ACSL6: variants seen among roughly 807,000 people sequenced by gnomAD.
The protein encoded by ACSL6 is long-chain-fatty-acid--CoA ligase 6.
A neutral mutation model predicts 98.2 loss-of-function variants in ACSL6; 47 were observed. The observed-to-expected ratio is 0.48, with a 90% CI of 0.38 to 0.61. The LOEUF (loss-of-function observed/expected upper bound fraction) is 0.61. Among genes scored for constraint, ACSL6 ranks in the 20% least tolerant of loss-of-function variants. The pLI is 0.00. For synonymous variants in ACSL6, 362 were observed against 336.9 expected, an observed-to-expected ratio of 1.07 and a Z score of -0.82; for missense variants, 761 against 913.4, an observed-to-expected ratio of 0.83 and a Z score of 2.15.
chr5:132,002,160 G>T (rs1480007502), intron 1 of ACSL6, among the ~76,000 whole-genome samples: 1 of 152,152 alleles, frequency 6.6e-6, no homozygotes, highest in Non-Finnish European at 1.5e-5. Context: ...TACTGACCAG[G>T]GTCACCATCA....
intron 1 of ACSL6, among the ~76,000 whole-genome samples, chr5:131,998,888 G>A (rs563392447): frequency 6.6e-6 from 1 of 152,244 alleles, no homozygotes; most frequent in East Asian, 1.9e-4. Context: ...TCACACTGAG[G>A]CTCTCCATGA....
In ACSL6 at chr5:131,971,742, C is replaced by T. The variant is rs1753320971; in HGVS notation, c.1339-97G>A. The T allele has an allele frequency of 9.8e-6, 10 of 1,017,512 alleles. No individual in the cohort carries two copies. In the East Asian group the frequency reaches 2.4e-4, roughly 24 times the overall value. 63.0% of individuals were successfully genotyped at this position (1,017,512 alleles called of 1,614,324 possible). On this transcript the variant is annotated intron_variant, in intron 13 of 20. Transcript: ENST00000651883. The stretch of plus-strand genomic sequence containing the variant: ...CAAGGTCAACATCCAACAACTGGGT[C>T]CTACCTGGATGCTAGGGCTGGGATC...
At chr5:131,970,436 G>A (rs1344283601) in intron 14 of ACSL6, among the ~76,000 whole-genome samples, 2 of 149,990 alleles carry the variant, frequency 1.3e-5, no homozygotes, top group Non-Finnish European at 3.0e-5. Flanking sequence ...TTGAGACGGA[G>A]TCTCACTCTG....
intron 2 of ACSL6, among the ~76,000 whole-genome samples, chr5:131,991,811 G>C (rs1368895628): frequency 5.7e-5 from 5 of 87,258 alleles, no homozygotes; most frequent in African/African-American, 1.3e-4. Context: ...TGGAACAGCA[G>C]GTCTAAGGAA....
At chr5:131,960,829 A>G (rs1752666788) in intron 18 of ACSL6, 2 of 468,664 alleles carry the variant, frequency 4.3e-6, no homozygotes, top group East Asian at 7.2e-5. Flanking sequence ...TGAAAAAATA[A>G]GGACATTAAG....
intron 10 of ACSL6, 42 bp from the exon 11 acceptor site, chr5:131,975,012 T>C: frequency 6.2e-7 from 1 of 1,601,814 alleles, no homozygotes; most frequent in East Asian, 2.2e-5. Context: ...AAAGAAACAC[T>C]GACAGGAAGA....
chr5:131,975,169 G>C, intron 10 of ACSL6, 199 bp from the exon 11 acceptor site: 2 of 1,397,414 alleles, frequency 1.4e-6, no homozygotes, highest in Middle Eastern at 5.3e-4. Flanking sequence ...AGAGAGGGAG[G>C]GGGAAGGTGC....
chr5:131,989,401 G>A lies in ACSL6; in HGVS notation c.552+6C>T. The A allele has an allele frequency of 6.2e-7, 1 of 1,613,452 alleles. No homozygotes were observed. The highest frequency in any genetic ancestry group is 8.5e-7 in the Non-Finnish European group (1 of 1,179,562). On this transcript the variant is annotated splice_donor_region_variant and intron_variant, in intron 5 of 20. Coordinates refer to ENST00000651883, the MANE Select transcript of ACSL6 (RefSeq NM_001009185.3). Reference sequence around the variant, plus strand: ...CCCTCTAAAACCAGTCAAGGTAGATGCTCACCTCTGGCCGATTTTGTGCAA... The same window carrying A: ...CCCTCTAAAACCAGTCAAGGTAGATACTCACCTCTGGCCGATTTTGTGCAA...
intron 3 of ACSL6, 88 bp from the exon 4 acceptor site, chr5:131,990,252 T>A: frequency 7.6e-7 from 1 of 1,313,914 alleles, no homozygotes; most frequent in Non-Finnish European, 1.1e-6. Flanking sequence ...TGGATGGACA[T>A]CCCATACTGT....
intron 1 of ACSL6, among the ~76,000 whole-genome samples, chr5:132,007,639 G>A (rs1327463208): frequency 6.6e-6 from 1 of 152,190 alleles, no homozygotes; most frequent in Non-Finnish European, 1.5e-5. Flanking sequence ...TGGAAGGAAA[G>A]TTTGGAGAAT....
At chr5:132,002,188 C>T (rs1755121759) in intron 1 of ACSL6, among the ~76,000 whole-genome samples, 2 of 152,206 alleles carry the variant, frequency 1.3e-5, no homozygotes, top group Non-Finnish European at 2.9e-5. Flanking sequence ...GGCACAGGGA[C>T]ACTCCCTGGC....
At chr5:131,964,355 GAAT>G (rs1752896937) in intron 17 of ACSL6, among the ~76,000 whole-genome samples, 1 of 152,274 alleles carries the variant, frequency 6.6e-6, no homozygotes, top group East Asian at 1.9e-4. Flanking sequence ...GAGAAATATA[GAAT>G]AATAAGTATC....
At chr5:131,983,276 A>T (rs574057321) in intron 9 of ACSL6, 1 of 152,250 alleles carries the variant, frequency 6.6e-6, no homozygotes, top group African/African-American at 2.4e-5. Context: ...CTCAGCCATC[A>T]CTGGGTACAG....
In ACSL6 at chr5:132,002,298, G is replaced by A. The variant is rs1755130919; in HGVS notation, c.50-8047C>T. Among the ~76,000 whole-genome samples the A allele has an allele frequency of 1.3e-5, 2 of 152,206 alleles. 1 individual carries two copies. Among genetic ancestry groups the A allele is most frequent in the Admixed American group, 1.3e-4 (2 of 15,288 alleles). On this transcript the variant is annotated intron_variant, in intron 1 of 20. Transcript: ENST00000651883. ...AGGACTGCTGGTGTCCCGGCCTCAG[G>A]AGCAATGATTCATTTCTGCCACTGG...
Position 131,986,803 on chromosome 5 carries a change from T to G in ACSL6, c.864+19A>C, listed in dbSNP as rs563503816. The G allele has an allele frequency of 3.7e-6, 6 of 1,614,144 alleles. No individual in the cohort carries two copies. The East Asian group carries it at 1.3e-4, about 36-fold the overall frequency. ...CACGCCATCTCGCTCAATAAAGACC[T>G]GCAGGTGAATTCGCTTACCACAGGA... On this transcript the variant is annotated intron_variant, in intron 8 of 20. Coordinates refer to ENST00000651883, the MANE Select transcript of ACSL6 (RefSeq NM_001009185.3).
intron 15 of ACSL6, among the ~76,000 whole-genome samples, chr5:131,969,810 C>A (rs1753208007): frequency 6.6e-6 from 1 of 152,180 alleles, no homozygotes; most frequent in Non-Finnish European, 1.5e-5. Context: ...CTCATCCACA[C>A]CCTCATTCTG....
chr5:131,994,199 T>C lies in ACSL6; in HGVS notation c.102A>G (p.Ile34Met). Residue 34 changes from isoleucine to methionine, a missense_variant, in exon 2 of 21, where the codon ATA becomes ATG. By Grantham distance (10) the Ile-to-Met change is conservative (BLOSUM62 1). Transcript: ENST00000651883. ...AGTCACCTAGCTCAGGCAGTCGCAGTATCCTCAGGATCTCCTGTGTCTGCA... is the reference window on the plus strand; with the variant it reads ...AGTCACCTAGCTCAGGCAGTCGCAGCATCCTCAGGATCTCCTGTGTCTGCA... ...EKMQTQEILRILRLPELGDLG... is the reference protein window; with the variant it reads ...EKMQTQEILRMLRLPELGDLG... 1 of 1,614,158 alleles carries C rather than the reference T, an allele frequency of 6.2e-7. No individual in the cohort carries two copies. Among genetic ancestry groups the C allele is most frequent in the Non-Finnish European group, 8.5e-7 (1 of 1,180,010 alleles).
intron 9 of ACSL6, chr5:131,983,878 C>CA (rs1413558602): frequency 3.3e-5 from 5 of 152,394 alleles, no homozygotes; most frequent in Non-Finnish European, 5.9e-5. Flanking sequence ...CAGGCAATAG[C>CA]ACATTTCTGC....
At chr5:131,971,092 A>G (rs1344965488) in intron 14 of ACSL6, among the ~76,000 whole-genome samples, 1 of 152,268 alleles carries the variant, frequency 6.6e-6, no homozygotes, top group Non-Finnish European at 1.5e-5. Flanking sequence ...CTTAATAAAT[A>G]TGAGCTGAAT....
Sources: allele counts gnomAD v4.1 joint callset (sites outside exome capture counted in the v4.1 genomes callset), GRCh38; gene constraint gnomAD v4.1.1; transcripts MANE v1.5; gene names NCBI Gene and HGNC (gene_info 2026-07-23, HGNC 2026-07-21).